Variants in ZFHX3 observed in about 807,000 individuals in gnomAD.
ZFHX3 encodes the protein zinc finger homeobox 3, also known as zinc finger homeobox protein 3.
A neutral mutation model predicts 279.1 loss-of-function variants in ZFHX3; 42 were observed. That is an observed-to-expected ratio of 0.15 (90% CI 0.12 to 0.19). The LOEUF is 0.19. Among genes scored for constraint, ZFHX3 ranks in the 10% least tolerant of loss-of-function variants. The pLI, the probability that ZFHX3 is intolerant of heterozygous loss-of-function variation, is 1.00. For missense variants in ZFHX3, 4,981 were observed against 4,754.0 expected (o/e 1.05, Z -1.40); for synonymous variants, 2,293 against 1,957.8 (o/e 1.17, Z -4.52).
At chr16:73,564,380 G>C (rs536849351) in intron 2 of ZFHX3, among the ~76,000 whole-genome samples, 2 of 152,160 alleles carry the variant, frequency 1.3e-5, no homozygotes, top group East Asian at 3.9e-4. Flanking sequence ...CATCCAAAAT[G>C]CTAGCCCCTG....
intron 1 of ZFHX3, among the ~76,000 whole-genome samples, chr16:73,881,719 G>A (rs145107934): frequency 6.6e-6 from 1 of 151,908 alleles, no homozygotes; most frequent in Non-Finnish European, 1.5e-5. Context: ...CATTTTAGAT[G>A]GAGATGGGAT....
chr16:73,510,062 C>T (rs963302553), intron 2 of ZFHX3, among the ~76,000 whole-genome samples: 14 of 152,152 alleles, frequency 9.2e-5, no homozygotes, highest in South Asian at 8.3e-4. Context: ...CCCTTTCCAT[C>T]GAATGCTGTT....
At chr16:73,556,168 G>A (rs185691170) in intron 2 of ZFHX3, among the ~76,000 whole-genome samples, 22 of 152,324 alleles carry the variant, frequency 1.4e-4, no homozygotes, top group Admixed American at 3.9e-4. Context: ...ATCAGTGGAA[G>A]AGATTATCAC....
At chr16:73,360,740 G>A (rs1397470626) in intron 3 of ZFHX3, among the ~76,000 whole-genome samples, 1 of 152,208 alleles carries the variant, frequency 6.6e-6, no homozygotes, top group Non-Finnish European at 1.5e-5. Context: ...TCTGGTATAT[G>A]ACACTAAATA....
intron 2 of ZFHX3, among the ~76,000 whole-genome samples, chr16:73,616,766 T>G (rs915029897): frequency 6.6e-6 from 1 of 152,174 alleles, no homozygotes; most frequent in Non-Finnish European, 1.5e-5. Flanking sequence ...GATTTAATAT[T>G]ATGAAGAAGC....
chr16:73,484,970 GA>G (rs11407891), intron 2 of ZFHX3, among the ~76,000 whole-genome samples: 11,711 of 145,916 alleles, frequency 0.08, 765 homozygotes, highest in Admixed American at 0.23. Context: ...TTCCCATAAG[GA>G]AAAAAAAAAA....
At chr16:73,881,874 G>C (rs1290909221) in intron 1 of ZFHX3, among the ~76,000 whole-genome samples, 1 of 152,006 alleles carries the variant, frequency 6.6e-6, no homozygotes, top group South Asian at 2.1e-4. Flanking sequence ...AAAATTGCTA[G>C]CACCTGGTGA....
intron 3 of ZFHX3, among the ~76,000 whole-genome samples, chr16:72,946,075 G>C (rs1203957279): frequency 1.3e-5 from 2 of 152,200 alleles, no homozygotes; most frequent in Non-Finnish European, 2.9e-5. Flanking sequence ...ATCAGGGAAA[G>C]AACTGAAAAG....
intron 5 of ZFHX3, among the ~76,000 whole-genome samples, chr16:73,158,852 G>C (rs1967158378): frequency 6.6e-6 from 1 of 152,182 alleles, no homozygotes; most frequent in Non-Finnish European, 1.5e-5. Flanking sequence ...TCAATAAACA[G>C]TGCTGGGATA....
At chr16:73,777,733 T>A (rs543777476) in intron 1 of ZFHX3, among the ~76,000 whole-genome samples, 2 of 152,248 alleles carry the variant, frequency 1.3e-5, no homozygotes, top group African/African-American at 4.8e-5. Context: ...CCTCATCTAA[T>A]CCTCACACTT....
intron 3 of ZFHX3, among the ~76,000 whole-genome samples, chr16:73,449,269 T>C (rs1444603512): frequency 1.3e-5 from 2 of 152,236 alleles, no homozygotes; most frequent in East Asian, 3.8e-4. Flanking sequence ...TTATTTTATT[T>C]TCTATGCCTT....
intron 3 of ZFHX3, among the ~76,000 whole-genome samples, chr16:73,320,751 G>A (rs952659003): frequency 2.6e-5 from 4 of 152,070 alleles, no homozygotes; most frequent in African/African-American, 7.2e-5. Flanking sequence ...CTGAGGCCCC[G>A]AAATCCCCAC....
At chr16:73,489,625 T>C (rs1395014719) in intron 2 of ZFHX3, among the ~76,000 whole-genome samples, 3 of 152,252 alleles carry the variant, frequency 2.0e-5, no homozygotes, top group Non-Finnish European at 2.9e-5. Flanking sequence ...ATCTTGGAAA[T>C]CTTTCTTCTT....
chr16:73,493,124 T>C (rs1232177712), intron 2 of ZFHX3, among the ~76,000 whole-genome samples: 1 of 152,130 alleles, frequency 6.6e-6, no homozygotes, highest in East Asian at 1.9e-4. Flanking sequence ...GTAATTAATG[T>C]CTCCTCTCTG....
chr16:72,892,031 C>T (rs1852597461), intron 3 of ZFHX3, among the ~76,000 whole-genome samples: 1 of 152,222 alleles, frequency 6.6e-6, no homozygotes, highest in South Asian at 2.1e-4. Flanking sequence ...CCTGAAAATA[C>T]CAGAGTGGCC....
At chr16:73,012,322 G>A (rs1963944318) in intron 1 of ZFHX3, among the ~76,000 whole-genome samples, 1 of 152,196 alleles carries the variant, frequency 6.6e-6, no homozygotes, top group Admixed American at 6.5e-5. Flanking sequence ...AACCATCAGA[G>A]ACAAATTTTC....
intron 1 of ZFHX3, among the ~76,000 whole-genome samples, chr16:72,974,261 C>G (rs949995477): frequency 1.3e-5 from 2 of 152,198 alleles, no homozygotes; most frequent in African/African-American, 4.8e-5. Context: ...CTAATTAGAG[C>G]ACCTGGGAAA....
In ZFHX3 at chr16:72,959,552, G is replaced by C; in HGVS notation, c.594C>G (p.Phe198Leu). ...ATTTCCCGAAGGATGAGGCTATGTG[G>C]AAAGTGTTGATGATCTGCGGGTACA... is the stretch of plus-strand genomic sequence containing the variant. The part of the protein sequence containing the change: ...APVYPQIINT[F>L]HIASSFGKWF... Residue 198 changes from phenylalanine to leucine, a missense_variant, in exon 2 of 10, where the codon TTC becomes TTG. By Grantham distance (22) the Phe-to-Leu change is conservative. Transcript: ENST00000268489. 6.2e-7 allele frequency: 1 copy of C among 1,614,264 alleles called. No individual in the cohort carries two copies. The highest frequency in any genetic ancestry group is 8.5e-7 in the Non-Finnish European group (1 of 1,180,050).
At position 72,811,634 on chromosome 16, in the gene ZFHX3, C is replaced by A; in HGVS notation, c.3807G>T (p.Leu1269=). 1 of 1,612,730 alleles carries A rather than the reference C, an allele frequency of 6.2e-7. No individual in the cohort carries two copies. Among genetic ancestry groups the A allele is most frequent in the Non-Finnish European group, 8.5e-7 (1 of 1,179,268 alleles). Residue 1269 remains leucine, a synonymous_variant, in exon 7 of 10, where the codon CTG becomes CTT. Coordinates refer to ENST00000268489, the MANE Select transcript of ZFHX3 (RefSeq NM_006885.4). ...CCACGCTGTGGAGGTGGGTGAGGTG[C>A]AGCTGGAGGTGGATCTTGTTGTTGA... The part of the protein sequence containing the change: ...DMLNNKIHLQ[L]HLTHLHSVAP...
Sources: gnomAD v4.1 joint callset for allele counts (sites outside exome capture counted in the v4.1 genomes callset) on GRCh38, gnomAD v4.1.1 for gene constraint, MANE v1.5 for transcripts, NCBI Gene and HGNC (gene_info 2026-07-23, HGNC 2026-07-21) for gene names.